Variants in AMOTL1 observed in about 807,000 individuals in gnomAD.
The protein encoded by AMOTL1 is angiomotin-like protein 1.
Under a neutral mutation model 102.9 loss-of-function variants are expected in AMOTL1, and 45 were observed. The observed-to-expected ratio is 0.44, with a 90% CI of 0.34 to 0.56. AMOTL1 has a LOEUF of 0.56. Among genes scored for constraint, AMOTL1 ranks in the 20% least tolerant of loss-of-function variants. The probability of loss-of-function intolerance (pLI) is 0.01; values close to 1 mark genes in which losing one functional copy is unlikely to be tolerated. For missense variants in AMOTL1, 1,114 were observed against 1,225.6 expected (o/e 0.91, Z 1.36); for synonymous variants, 481 against 484.7 (o/e 0.99, Z 0.10).
At chr11:94,754,441 A>G (rs1487509135) in intron 3 of AMOTL1, among the ~76,000 whole-genome samples, 1 of 152,210 alleles carries the variant, frequency 6.6e-6, no homozygotes, top group Admixed American at 6.5e-5. Flanking sequence ...TTAGCATGGG[A>G]ACGCTCCGAA....
Position 94,869,363 on chromosome 11 carries a change from T to C in AMOTL1, c.2654T>C (p.Leu885Pro), listed in dbSNP as rs775201591. 1.2e-6 allele frequency: 2 copies of C among 1,610,128 alleles called. No individual in the cohort carries two copies. Among genetic ancestry groups the C allele is most frequent in the South Asian group, 2.2e-5 (2 of 90,110 alleles). Residue 885 changes from leucine (L) to proline (P), a missense_variant, in exon 12 of 13, where the codon CTC becomes CCC. Leu to Pro is a moderately conservative substitution (Grantham distance 98). Coordinates refer to ENST00000433060, the MANE Select transcript of AMOTL1 (RefSeq NM_130847.3). ...SSTQTDKSAE[L>P]FWPSMASLPS... ...ACACAGACTGACAAGAGTGCCGAGC[T>C]CTTCTGGCCCAGCATGGCCTCCCTT...
At chr11:94,805,284 A>G (rs533738237) in intron 3 of AMOTL1, among the ~76,000 whole-genome samples, 3 of 152,168 alleles carry the variant, frequency 2.0e-5, no homozygotes, top group African/African-American at 2.4e-5. Flanking sequence ...TCTAGACTCT[A>G]GGAAGAAAGC....
At chr11:94,830,788 A>G (rs934520464) in intron 5 of AMOTL1, among the ~76,000 whole-genome samples, 2 of 152,248 alleles carry the variant, frequency 1.3e-5, no homozygotes, top group African/African-American at 2.4e-5. Flanking sequence ...ACCTTCAGCC[A>G]AGCCATTTTC....
At chr11:94,834,268 T>C (rs1415904924) in intron 6 of AMOTL1, among the ~76,000 whole-genome samples, 1 of 152,124 alleles carries the variant, frequency 6.6e-6, no homozygotes, top group Non-Finnish European at 1.5e-5. Context: ...AGCACTTGGT[T>C]AGAAGAAAGG....
intron 10 of AMOTL1, among the ~76,000 whole-genome samples, chr11:94,865,729 T>A (rs1952868857): frequency 1.3e-5 from 2 of 152,094 alleles, no homozygotes; most frequent in Admixed American, 1.3e-4. Context: ...GAAGTCCCAG[T>A]CTCCCAAGGT....
chr11:94,824,194 C>G (rs1409437444), intron 4 of AMOTL1, among the ~76,000 whole-genome samples: 1 of 152,080 alleles, frequency 6.6e-6, no homozygotes, highest in African/African-American at 2.4e-5. Context: ...CTTCTTGAAC[C>G]CAAAACTTTT....
In AMOTL1 at chr11:94,707,014, C is replaced by T. The variant is rs1278945944; in HGVS notation, c.-51+417C>T. On this transcript the variant is annotated intron_variant, in intron 1 of 4. Transcript: ENST00000299004. The stretch of plus-strand genomic sequence containing the variant: ...TGCAGAAAAGCAGCTCTCTGGAGAG[C>T]CTTGATTTGCTGTTTCGCTGGTGTG... Among the ~76,000 whole-genome samples the T allele has an allele frequency of 2.6e-5, 4 of 152,008 alleles. No individual in the cohort carries two copies. In the South Asian group the frequency reaches 8.3e-4, roughly 31 times the overall value.
chr11:94,745,324 C>A (rs1430667261), intron 3 of AMOTL1, among the ~76,000 whole-genome samples: 1 of 151,142 alleles, frequency 6.6e-6, no homozygotes, highest in East Asian at 1.9e-4. Context: ...GAATTCCAAC[C>A]TTTTAATAAT....
intron 3 of AMOTL1, among the ~76,000 whole-genome samples, chr11:94,818,509 CTT>C (rs768766779): frequency 2.0e-5 from 3 of 152,086 alleles, no homozygotes; most frequent in Non-Finnish European, 4.4e-5. Flanking sequence ...TTTTTGCTGA[CTT>C]TATGCAAATA....
At chr11:94,833,430 C>T (rs181619598) in intron 6 of AMOTL1, among the ~76,000 whole-genome samples, 215 of 152,316 alleles carry the variant, frequency 1.4e-3, no homozygotes, top group Non-Finnish European at 2.8e-3. Context: ...AGTAAATTAG[C>T]ATGTCCCCCA....
intron 1 of AMOTL1, among the ~76,000 whole-genome samples, chr11:94,773,885 A>G (rs79042417): frequency 1.3e-5 from 2 of 152,244 alleles, no homozygotes; most frequent in African/African-American, 4.8e-5. Context: ...ATATGTTAAA[A>G]TGAAAAAGGA....
intron 3 of AMOTL1, among the ~76,000 whole-genome samples, chr11:94,802,686 G>T (rs1951499242): frequency 6.6e-6 from 1 of 152,172 alleles, no homozygotes; most frequent in African/African-American, 2.4e-5. Flanking sequence ...GGCCATTGAG[G>T]CTGGGTCCCA....
rs192349049 is a variant in AMOTL1 at position 94,796,704 on chromosome 11, G to A, written c.199+1544G>A. ...TGAAATTTCTTAATGAAAATTAGGGGGCCATCACGGAGTTACAGTATTTTG... is the reference window on the plus strand; with the variant it reads ...TGAAATTTCTTAATGAAAATTAGGGAGCCATCACGGAGTTACAGTATTTTG... On this transcript the variant is annotated intron_variant, in intron 2 of 12. Coordinates refer to ENST00000433060, the MANE Select transcript of AMOTL1 (RefSeq NM_130847.3). 4.2e-3 allele frequency among the ~76,000 whole-genome samples: 640 copies of A among 152,092 alleles called. 11 individuals carry two copies. The highest frequency in any genetic ancestry group is 0.015 in the African/African-American group (615 of 41,474).
At chr11:94,853,859 C>T in intron 7 of AMOTL1, 74 bp from the exon 8 acceptor site, 2 of 1,535,356 alleles carry the variant, frequency 1.3e-6, no homozygotes, top group Admixed American at 1.9e-5. Flanking sequence ...GGTAATCTGA[C>T]CCCACCTCCT....
rs2135594846 is a variant in AMOTL1 at position 94,810,340 on chromosome 11, G to A, written c.1121+10029G>A. On this transcript the variant is annotated intron_variant, in intron 3 of 12. Coordinates refer to ENST00000433060, the MANE Select transcript of AMOTL1 (RefSeq NM_130847.3). ...CTGGGCAGAGCCCACACTGAATCCTGGGTCTCCAAAAAGAGAACTAGTATG... is the reference window on the plus strand; with the variant it reads ...CTGGGCAGAGCCCACACTGAATCCTAGGTCTCCAAAAAGAGAACTAGTATG... Among the ~76,000 whole-genome samples the A allele has an allele frequency of 3.3e-5, 5 of 152,202 alleles. No individual in the cohort carries two copies. The Middle Eastern group carries it at 0.01, about 311-fold the overall frequency.
chr11:94,859,634 C>A lies in AMOTL1; in HGVS notation c.2054C>A (p.Thr685Lys). The change falls in exon 9 of 13, where the codon ACA (threonine) becomes AAA (lysine). Residue 685 changes from threonine (T) to lysine (K), a missense_variant. Transcript: ENST00000433060. ...ATCCTGGCCCTGGAGGCCGACATGACAAAGTGGGAGCAGAAGTACCTGGAG... is the reference window on the plus strand; with the variant it reads ...ATCCTGGCCCTGGAGGCCGACATGAAAAAGTGGGAGCAGAAGTACCTGGAG... ...ERILALEADM[T>K]KWEQKYLEES... 6.2e-7 allele frequency: 1 copy of A among 1,613,570 alleles called. No homozygotes were observed. The highest frequency in any genetic ancestry group is 8.5e-7 in the Non-Finnish European group (1 of 1,179,712).
intron 1 of AMOTL1, among the ~76,000 whole-genome samples, chr11:94,710,416 A>G (rs1950004970): frequency 6.6e-6 from 1 of 152,304 alleles, no homozygotes; most frequent in South Asian, 2.1e-4. Context: ...GTATCTAGAC[A>G]TGTCTTCTCA....
intron 2 of AMOTL1, among the ~76,000 whole-genome samples, chr11:94,732,359 G>C (rs1270926779): frequency 1.3e-5 from 2 of 152,152 alleles, no homozygotes; most frequent in African/African-American, 4.8e-5. Context: ...GGGTAGGAGA[G>C]CTTCCAGGAA....
intron 1 of AMOTL1, among the ~76,000 whole-genome samples, chr11:94,787,687 C>CAAAAAAA (rs59563004): frequency 1.7e-5 from 1 of 57,528 alleles, no homozygotes; most frequent in African/African-American, 8.1e-5. Flanking sequence ...AACTCCGTCT[C>CAAAAAAA]AAAAAAAAAA....
Sources: allele counts gnomAD v4.1 joint callset (sites outside exome capture counted in the v4.1 genomes callset), GRCh38; gene constraint gnomAD v4.1.1; transcripts MANE v1.5; gene names NCBI Gene and HGNC (gene_info 2026-07-23, HGNC 2026-07-21).